Variants in CHRM3 observed in about 807,000 individuals in gnomAD.
CHRM3 encodes cholinergic receptor muscarinic 3.
Under a neutral mutation model 41.8 loss-of-function variants are expected in CHRM3, and 11 were observed. The observed-to-expected ratio is 0.26, with a 90% CI of 0.17 to 0.44. The LOEUF is 0.44. Ranked by LOEUF, CHRM3 falls within the 20% of genes least tolerant of loss-of-function variation. CHRM3 has a pLI of 1.00. For synonymous variants in CHRM3, 297 were observed against 301.4 expected (o/e 0.99, Z 0.15); for missense variants, 571 against 745.4 (o/e 0.77, Z 2.72).
chr1:239,695,553 G>T (rs938301314), intron 5 of CHRM3, among the ~76,000 whole-genome samples: 2 of 152,026 alleles, frequency 1.3e-5, no homozygotes, highest in African/African-American at 4.8e-5. Flanking sequence ...ATTTGTCTGT[G>T]TTCAGCTATA....
At chr1:239,713,285 G>A (rs1261453932) in intron 5 of CHRM3, among the ~76,000 whole-genome samples, 3 of 152,084 alleles carry the variant, frequency 2.0e-5, no homozygotes, top group East Asian at 1.9e-4. Context: ...TGAGTTCTGG[G>A]TGTCCATTCC....
rs200598479 is a variant in CHRM3 at position 239,909,109 on chromosome 1, C to A, written c.1658C>A (p.Thr553Asn). 3 of 1,614,110 alleles carry A rather than the reference C, an allele frequency of 1.9e-6. No homozygotes were observed. The highest frequency in any genetic ancestry group is 2.5e-6 in the Non-Finnish European group (3 of 1,180,034). ...CYALCNKTFR[T>N]TFKMLLLCQC... ...GCTCTGTGCAACAAAACATTCAGAACCACTTTCAAGATGCTGCTGCTGTGC... is the reference window on the plus strand; with the variant it reads ...GCTCTGTGCAACAAAACATTCAGAAACACTTTCAAGATGCTGCTGCTGTGC... Residue 553 changes from threonine (T) to asparagine (N), a missense_variant, in exon 7 of 7, where the codon ACC becomes AAC. Thr to Asn is a moderately conservative substitution (Grantham distance 65). This residue lies in a region of CHRM3 where 43 missense variants were observed against 93.7 expected (regional missense o/e 0.46). Transcript: ENST00000676153.
chr1:239,501,562 T>C (rs771097939), intron 2 of CHRM3, among the ~76,000 whole-genome samples: 19 of 152,088 alleles, frequency 1.2e-4, no homozygotes, highest in Non-Finnish European at 2.2e-4. Flanking sequence ...AATTAAAAAA[T>C]TCTTTCAAGT....
intron 3 of CHRM3, among the ~76,000 whole-genome samples, chr1:239,572,714 T>C (rs898168651): frequency 4.6e-5 from 7 of 152,192 alleles, no homozygotes; most frequent in Non-Finnish European, 1.0e-4. Context: ...CTAGTCAAAA[T>C]AGTTAAGTAA....
chr1:239,642,129 A>G (rs1402073064), intron 4 of CHRM3, among the ~76,000 whole-genome samples: 1 of 129,426 alleles, frequency 7.7e-6, no homozygotes, highest in Non-Finnish European at 1.7e-5. Context: ...TTCTGCCGAG[A>G]GACCCTCTGT....
chr1:239,555,770 G>A (rs1010844377), intron 3 of CHRM3, among the ~76,000 whole-genome samples: 1 of 152,212 alleles, frequency 6.6e-6, no homozygotes, highest in Non-Finnish European at 1.5e-5. Flanking sequence ...AAGCTGTAAT[G>A]CTGCCTCTTC....
At chr1:239,583,865 GA>G (rs146077845) in intron 3 of CHRM3, among the ~76,000 whole-genome samples, 2 of 151,476 alleles carry the variant, frequency 1.3e-5, no homozygotes, top group East Asian at 1.9e-4. Flanking sequence ...ACTATTTAGA[GA>G]AAAAAAATGC....
chr1:239,532,860 G>A (rs1657788246), intron 2 of CHRM3, among the ~76,000 whole-genome samples: 1 of 152,178 alleles, frequency 6.6e-6, no homozygotes, highest in Admixed American at 6.5e-5. Context: ...AGCAGATTCA[G>A]CTAAAATATT....
chr1:239,542,788 G>C (rs918554245), intron 2 of CHRM3, among the ~76,000 whole-genome samples: 1 of 152,118 alleles, frequency 6.6e-6, no homozygotes, highest in African/African-American at 2.4e-5. Flanking sequence ...TCTGCTTGAA[G>C]ATAAATCTTT....
intron 4 of CHRM3, among the ~76,000 whole-genome samples, chr1:239,657,784 A>T (rs1232934494): frequency 6.6e-6 from 1 of 152,224 alleles, no homozygotes; most frequent in Non-Finnish European, 1.5e-5. Context: ...TTTATGACTT[A>T]GCAAAATTAC....
At chr1:239,561,822 A>G (rs907727319) in intron 3 of CHRM3, among the ~76,000 whole-genome samples, 1 of 152,146 alleles carries the variant, frequency 6.6e-6, no homozygotes, top group Non-Finnish European at 1.5e-5. Context: ...CTTATCACAT[A>G]GTAGACACTA....
chr1:239,892,639 T>C (rs976780747), intron 6 of CHRM3, among the ~76,000 whole-genome samples: 1 of 152,204 alleles, frequency 6.6e-6, no homozygotes, highest in African/African-American at 2.4e-5. Flanking sequence ...AAAATTATAA[T>C]AGATCTAGTG....
chr1:239,397,087 G>A (rs967709986), intron 1 of CHRM3, among the ~76,000 whole-genome samples: 1 of 152,148 alleles, frequency 6.6e-6, no homozygotes, highest in African/African-American at 2.4e-5. Context: ...TACTACCCCG[G>A]AAGTTCCAAG....
intron 6 of CHRM3, among the ~76,000 whole-genome samples, chr1:239,838,481 T>C (rs1337110766): frequency 6.6e-6 from 1 of 152,172 alleles, no homozygotes; most frequent in Non-Finnish European, 1.5e-5. Flanking sequence ...ACACATTCCT[T>C]CTCTCATTCC....
chr1:239,867,298 G>A (rs1235604213), intron 6 of CHRM3, among the ~76,000 whole-genome samples: 2 of 152,236 alleles, frequency 1.3e-5, no homozygotes, highest in Non-Finnish European at 2.9e-5. Flanking sequence ...TGTTCTGTGG[G>A]TATATGATAT....
At chr1:239,552,606 C>T (rs1481090287) in intron 3 of CHRM3, among the ~76,000 whole-genome samples, 1 of 145,596 alleles carries the variant, frequency 6.9e-6, no homozygotes, top group East Asian at 2.0e-4. Context: ...GGACTACAGG[C>T]TCATGCTCCA....
intron 3 of CHRM3, among the ~76,000 whole-genome samples, chr1:239,620,482 A>C (rs766976546): frequency 2.0e-5 from 3 of 152,156 alleles, no homozygotes; most frequent in Non-Finnish European, 4.4e-5. Flanking sequence ...GGGTAGGTAG[A>C]TAGATAAGAG....
chr1:239,799,024 C>A (rs1670003023), intron 5 of CHRM3, among the ~76,000 whole-genome samples: 2 of 152,090 alleles, frequency 1.3e-5, no homozygotes, highest in Admixed American at 6.5e-5. Context: ...CGGGAAGTAG[C>A]TGTGTTTCAC....
chr1:239,427,315 A>G (rs371596492), intron 1 of CHRM3, among the ~76,000 whole-genome samples: 2 of 152,168 alleles, frequency 1.3e-5, no homozygotes, highest in African/African-American at 4.8e-5. Context: ...CACCAGGACT[A>G]GCAACCACAG....
Sources: allele counts gnomAD v4.1 joint callset (sites outside exome capture counted in the v4.1 genomes callset), GRCh38; gene constraint gnomAD v4.1.1; regional missense constraint gnomAD v4.1.1; transcripts MANE v1.5; gene names NCBI Gene and HGNC (gene_info 2026-07-23, HGNC 2026-07-21).